The following FREM1 variants were observed in gnomAD, a reference collection of about 807,000 sequenced individuals.
FREM1 encodes the protein FRAS1 related extracellular matrix 1, also known as FRAS1-related extracellular matrix protein 1.
A neutral mutation model predicts 210.1 loss-of-function variants in FREM1; 220 were observed. The ratio of observed to expected loss-of-function variants is 1.05; its 90% CI spans 0.94 to 1.17. FREM1 has a LOEUF of 1.17. FREM1 is among the 50% of genes most tolerant of loss of function. FREM1 has a pLI of 0.00. For synonymous variants in FREM1, 1,189 were observed against 980.2 expected (o/e 1.21, Z -3.98); for missense variants, 3,454 against 2,675.5 (o/e 1.29, Z -6.42).
At chr9:14,880,133 G>A (rs191363974) in intron 1 of FREM1, among the ~76,000 whole-genome samples, 22 of 152,246 alleles carry the variant, frequency 1.4e-4, no homozygotes, top group African/African-American at 4.6e-4. Context: ...CAACAAGAGG[G>A]TTTCCCTCTG....
At chr9:14,846,290 A>G (rs1477526490) in intron 7 of FREM1, among the ~76,000 whole-genome samples, 199 bp from the exon 8 acceptor site, 1 of 152,212 alleles carries the variant, frequency 6.6e-6, no homozygotes, top group African/African-American at 2.4e-5. Context: ...GCTCTCACTC[A>G]TAAGTGGGAG....
At chr9:14,871,720 G>A (rs1832716471) in intron 1 of FREM1, among the ~76,000 whole-genome samples, 2 of 152,130 alleles carry the variant, frequency 1.3e-5, no homozygotes, top group South Asian at 4.1e-4. Context: ...TAGACATGAA[G>A]TCCTTGCCCA....
In FREM1 at chr9:14,788,915, T is replaced by A. The variant is rs1257341685; in HGVS notation, c.4177+4A>T. The A allele has an allele frequency of 1.7e-5, 27 of 1,609,308 alleles. No individual in the cohort carries two copies. The highest frequency in any genetic ancestry group is 2.2e-5 in the Non-Finnish European group (26 of 1,177,832). ...CCAGTAAACCTTGGTAGACGTGCTTTTACCTTTTTCCATGTCCTTGATGGT... is the reference window on the plus strand; with the variant it reads ...CCAGTAAACCTTGGTAGACGTGCTTATACCTTTTTCCATGTCCTTGATGGT... On this transcript the variant is annotated splice_donor_region_variant and intron_variant, in intron 23 of 36. Transcript: ENST00000380880.
In FREM1 at chr9:14,859,231, G is replaced by A. The variant is rs779106239; in HGVS notation, c.583C>T (p.Pro195Ser). 6.2e-7 allele frequency: 1 copy of A among 1,609,574 alleles called. No individual in the cohort carries two copies. Among genetic ancestry groups the A allele is most frequent in the African/African-American group, 1.3e-5 (1 of 74,876 alleles). The change falls in exon 4 of 37, where the codon CCA (proline) becomes TCA (serine). Residue 195 changes from proline (P) to serine (S), a missense_variant. Transcript: ENST00000380880. ...GGCTGATCTCCACGAGGTTCTTCTG[G>A]TCGAGGCTCCCCGAGAACCATCTGG... ...HGQMVLGEPR[P>S]EEPRGDQPHS...
chr9:14,782,390 T>C, intron 24 of FREM1: 1 of 974,268 alleles, frequency 1.0e-6, no homozygotes, highest in Non-Finnish European at 1.2e-6. Context: ...TCTGAACATC[T>C]TTATGCATTC....
In FREM1 at chr9:14,860,798, C is replaced by CATATAT. The variant is rs1564101786; in HGVS notation, c.330-1315_330-1314insATATAT. Among the ~76,000 whole-genome samples the CATATAT allele has an allele frequency of 1.3e-3, 122 of 91,102 alleles. 2 individuals carry two copies. Among genetic ancestry groups the CATATAT allele is most frequent in the Non-Finnish European group, 1.8e-3 (77 of 42,882 alleles). The allele number at this position is 91,102 out of a possible 152,430, so 59.8% of individuals were successfully genotyped here. A position where few individuals can be genotyped will look rare whatever the true frequency, so the allele number is the denominator to read the frequency against. On this transcript the variant is annotated intron_variant, in intron 3 of 36. Transcript: ENST00000380880. ...ACATATATACATATATACATATATA[C>CATATAT]ACATATATACATATATACACATATA...
intron 5 of FREM1, 47 bp from the exon 6 acceptor site, chr9:14,851,654 G>C (rs1438562884): frequency 7.3e-7 from 1 of 1,368,532 alleles, no homozygotes; most frequent in South Asian, 1.2e-5. Flanking sequence ...ATATGAATGA[G>C]GTGATATCAT....
rs575523456 is a variant in FREM1 at position 14,737,206 on chromosome 9, C to G, written c.*190G>C. The G allele has an allele frequency of 3.2e-4, 166 of 524,040 alleles. No individual in the cohort carries two copies. The highest frequency in any genetic ancestry group is 4.1e-4 in the Non-Finnish European group (124 of 299,546). The allele number at this position is 524,040 out of a possible 1,614,324, so 32.5% of individuals were successfully genotyped here. On this transcript the variant is annotated 3_prime_UTR_variant, in exon 37 of 37. Coordinates refer to ENST00000380880, the MANE Select transcript of FREM1 (RefSeq NM_001379081.2). ...AGGTATTGAGATACAAAAATTGTAT[C>G]TTATCTTGTAAAAAATATTTATTTA...
At chr9:14,798,470 T>C (rs867661633) in intron 20 of FREM1, among the ~76,000 whole-genome samples, 50 of 151,774 alleles carry the variant, frequency 3.3e-4, no homozygotes, top group African/African-American at 1.2e-3. Flanking sequence ...TTTGAAACAC[T>C]AGCCAGGTGA....
chr9:14,737,509 G>C lies in FREM1; in HGVS notation c.6427C>G (p.Gln2143Glu). 2.5e-6 allele frequency: 4 copies of C among 1,613,042 alleles called. No individual in the cohort carries two copies. Among genetic ancestry groups the C allele is most frequent in the Non-Finnish European group, 3.4e-6 (4 of 1,179,428 alleles). Reference sequence around the variant, plus strand: ...CAGCTCTTTCCAAGCTTGGAGCGTTGAGAGGGCCCTCTTCTCCCATTGGTG... The same window carrying C: ...CAGCTCTTTCCAAGCTTGGAGCGTTCAGAGGGCCCTCTTCTCCCATTGGTG... ...AFTNGRRGPSQRSKLGKSCVL... is the reference protein window; with the variant it reads ...AFTNGRRGPSERSKLGKSCVL... Residue 2143 changes from glutamine (Q) to glutamate (E), a missense_variant, in exon 37 of 37, where the codon CAA becomes GAA. By Grantham distance (29) the Gln-to-Glu change is conservative (BLOSUM62 2). Transcript: ENST00000380880.
chr9:14,846,024 G>C lies in FREM1; in HGVS notation c.1329C>G (p.Asp443Glu). The change falls in exon 8 of 37, where the codon GAC (aspartate) becomes GAG (glutamate). Residue 443 changes from aspartate to glutamate, a missense_variant. By Grantham distance (45) the Asp-to-Glu change is conservative. Coordinates refer to ENST00000380880, the MANE Select transcript of FREM1 (RefSeq NM_001379081.2). Reference protein sequence around the residue: ...TWEQFQVVDNDDIGAVRLVTV... With the variant: ...TWEQFQVVDNEDIGAVRLVTV... Reference sequence around the variant, plus strand: ...TGACTAGCCGGACAGCACCAATGTCGTCATTGTCGACAACCTGAAACTGTT... The same window carrying C: ...TGACTAGCCGGACAGCACCAATGTCCTCATTGTCGACAACCTGAAACTGTT... The C allele has an allele frequency of 6.2e-7, 1 of 1,611,502 alleles. No individual in the cohort carries two copies. Among genetic ancestry groups the C allele is most frequent in the Non-Finnish European group, 8.5e-7 (1 of 1,178,700 alleles).
At chr9:14,737,749 C>T (rs1046846922) in intron 36 of FREM1, among the ~76,000 whole-genome samples, 154 bp from the exon 37 acceptor site, 15 of 152,114 alleles carry the variant, frequency 9.9e-5, no homozygotes, top group Admixed American at 5.2e-4. Flanking sequence ...AAGACACAAA[C>T]GGTCAAACAA....
chr9:14,740,039 T>G (rs1379365560), intron 36 of FREM1, 110 bp downstream of exon 36: 2 of 612,722 alleles, frequency 3.3e-6, no homozygotes, highest in Admixed American at 2.7e-5. Context: ...TTGCCTATTA[T>G]TGTAAACCAC....
intron 35 of FREM1, among the ~76,000 whole-genome samples, chr9:14,742,951 A>T (rs1025004065): frequency 1.3e-5 from 2 of 152,122 alleles, no homozygotes; most frequent in Non-Finnish European, 2.9e-5. Context: ...TTCCTTGTAT[A>T]CCTGTGAGCA....
intron 15 of FREM1, among the ~76,000 whole-genome samples, chr9:14,815,064 G>C (rs1820059522): frequency 6.6e-6 from 1 of 152,146 alleles, no homozygotes; most frequent in Admixed American, 6.5e-5. Flanking sequence ...TCTTTATTCA[G>C]ATCCCAAAGG....
At chr9:14,871,423 T>C (rs1832652351) in intron 1 of FREM1, among the ~76,000 whole-genome samples, 1 of 152,222 alleles carries the variant, frequency 6.6e-6, no homozygotes. Flanking sequence ...GAGCATTTTT[T>C]CATGTGTTAT....
chr9:14,863,970 G>C (rs1831051070), intron 2 of FREM1, 67 bp from the exon 3 acceptor site: 2 of 957,740 alleles, frequency 2.1e-6, no homozygotes, highest in African/African-American at 3.2e-5. Context: ...CATTTTGCCA[G>C]GAGAGCACTG....
chr9:14,837,869 G>T (rs1824923022), intron 10 of FREM1, among the ~76,000 whole-genome samples: 1 of 152,236 alleles, frequency 6.6e-6, no homozygotes, highest in African/African-American at 2.4e-5. Context: ...GTCATGAAAG[G>T]ATAGAGACAG....
intron 36 of FREM1, among the ~76,000 whole-genome samples, chr9:14,737,981 A>C (rs985149390): frequency 6.6e-5 from 10 of 152,166 alleles, no homozygotes; most frequent in African/African-American, 2.4e-4. Flanking sequence ...ATCATCCTAC[A>C]TGCAGAACTC....
Sources: allele counts gnomAD v4.1 joint callset (sites outside exome capture counted in the v4.1 genomes callset), GRCh38; gene constraint gnomAD v4.1.1; transcripts MANE v1.5; gene names NCBI Gene and HGNC (gene_info 2026-07-23, HGNC 2026-07-21).